The following DPP10 variants were observed in gnomAD, a reference collection of about 807,000 sequenced individuals.
DPP10 encodes dipeptidyl peptidase like 10, also known as inactive dipeptidyl peptidase 10.
DPP10 carries 33 observed loss-of-function variants against 120.9 expected under a neutral mutation model. The ratio of observed to expected loss-of-function variants is 0.27; its 90% CI spans 0.21 to 0.37. The LOEUF (loss-of-function observed/expected upper bound fraction) is 0.37. Among genes scored for constraint, DPP10 ranks in the 10% least tolerant of loss-of-function variants. DPP10 has a pLI of 1.00. For missense variants in DPP10, 816 were observed against 942.8 expected (o/e 0.87, Z 1.76); for synonymous variants, 337 against 326.1 (o/e 1.03, Z -0.36).
intron 5 of DPP10, among the ~76,000 whole-genome samples, chr2:115,535,526 T>C (rs1381877046): frequency 2.0e-5 from 3 of 151,306 alleles, no homozygotes; most frequent in Non-Finnish European, 4.4e-5. Context: ...CCTTGTAGTA[T>C]AGTTTGAAGT....
chr2:115,805,285 A>C (rs1685794890), intron 19 of DPP10, among the ~76,000 whole-genome samples: 1 of 151,996 alleles, frequency 6.6e-6, no homozygotes, highest in South Asian at 2.1e-4. Flanking sequence ...TGGAAAAGCA[A>C]AGTATTAGGG....
chr2:114,470,555 T>C (rs181274963), intron 1 of DPP10, among the ~76,000 whole-genome samples: 1 of 152,342 alleles, frequency 6.6e-6, no homozygotes. Context: ...GGATTGGAGA[T>C]GAGAAGGGGT....
At position 115,335,661 on chromosome 2, in the gene DPP10, T is replaced by A. The variant is rs987122685; in HGVS notation, c.176-8156T>A. On this transcript the variant is annotated intron_variant, in intron 2 of 25. Transcript: ENST00000410059. ...GCAGATATTTTGAAAAATCTAGAAT[T>A]TAATCTTGACTATTGTGATTTGCAT... is the stretch of plus-strand genomic sequence containing the variant. Among the ~76,000 whole-genome samples the A allele has an allele frequency of 2.0e-5, 3 of 152,082 alleles. No homozygotes were observed. In the South Asian group the frequency reaches 6.2e-4, roughly 31 times the overall value.
At chr2:115,241,952 C>T (rs1003336675) in intron 1 of DPP10, among the ~76,000 whole-genome samples, 1 of 152,050 alleles carries the variant, frequency 6.6e-6, no homozygotes, top group Non-Finnish European at 1.5e-5. Flanking sequence ...ACTAGAACGA[C>T]TTGGAAGTGG....
intron 5 of DPP10, among the ~76,000 whole-genome samples, chr2:115,661,555 AG>A (rs1448480495): frequency 1.3e-5 from 2 of 152,202 alleles, no homozygotes; most frequent in Non-Finnish European, 2.9e-5. Flanking sequence ...GTCCTGAAGC[AG>A]GTAGACATTT....
intron 4 of DPP10, among the ~76,000 whole-genome samples, chr2:115,504,365 T>A (rs2076839211): frequency 6.6e-6 from 1 of 150,644 alleles, no homozygotes; most frequent in African/African-American, 2.4e-5. Context: ...CCAGTCAGCA[T>A]AATTGCTTTC....
At chr2:115,495,365 G>GAAA (rs3039998) in intron 3 of DPP10, among the ~76,000 whole-genome samples, 34,266 of 82,042 alleles carry the variant, frequency 0.42, 8,530 homozygotes, top group South Asian at 0.52. Flanking sequence ...GCCATTTTCT[G>GAAA]AAAAAAAAAA....
At chr2:115,453,106 T>C (rs2073244612) in intron 3 of DPP10, among the ~76,000 whole-genome samples, 1 of 151,704 alleles carries the variant, frequency 6.6e-6, no homozygotes, top group Non-Finnish European at 1.5e-5. Flanking sequence ...ATTTTAAATG[T>C]ACCTGTCTTA....
rs58948613 is a variant in DPP10, at chr2:115,445,550, G to A, written c.272-53960G>A. Among the ~76,000 whole-genome samples the A allele has an allele frequency of 3.6e-3, 547 of 152,290 alleles. 3 individuals carry two copies. The highest frequency in any genetic ancestry group is 0.013 in the African/African-American group (536 of 41,572). Reference sequence around the variant, plus strand: ...CTGGGGCAGAGGTCACTCTTGCTATGCTTTAGCAAAGATACTGGTGGAGTT... The same window carrying A: ...CTGGGGCAGAGGTCACTCTTGCTATACTTTAGCAAAGATACTGGTGGAGTT... On this transcript the variant is annotated intron_variant, in intron 3 of 25. Transcript: ENST00000410059.
chr2:115,754,051 T>C (rs1679088965), intron 11 of DPP10, among the ~76,000 whole-genome samples: 1 of 152,120 alleles, frequency 6.6e-6, no homozygotes, highest in African/African-American at 2.4e-5. Flanking sequence ...ATATGGGACA[T>C]TAGGAGGATC....
intron 1 of DPP10, among the ~76,000 whole-genome samples, chr2:114,994,973 T>C (rs1279508941): frequency 6.6e-6 from 1 of 152,252 alleles, no homozygotes; most frequent in Non-Finnish European, 1.5e-5. Flanking sequence ...CCCTGTATTC[T>C]ACAATGTTCC....
At chr2:115,121,119 C>G (rs770060757) in intron 1 of DPP10, among the ~76,000 whole-genome samples, 2 of 152,174 alleles carry the variant, frequency 1.3e-5, no homozygotes, top group Non-Finnish European at 2.9e-5. Flanking sequence ...ATTTAGGTAA[C>G]TTTCCCAGGA....
intron 1 of DPP10, chr2:115,162,082 C>CGGAG: frequency 6.7e-7 from 1 of 1,487,052 alleles, no homozygotes; most frequent in Non-Finnish European, 8.9e-7. Flanking sequence ...CTCCAGTGCG[C>CGGAG]GCTCCGCCCG....
chr2:114,574,047 T>C (rs1689859122), intron 1 of DPP10, among the ~76,000 whole-genome samples: 1 of 152,160 alleles, frequency 6.6e-6, no homozygotes, highest in Admixed American at 6.5e-5. Flanking sequence ...AAGTATGGCA[T>C]TTTATTCCAA....
intron 1 of DPP10, among the ~76,000 whole-genome samples, chr2:114,595,276 CA>C (rs950306114): frequency 6.6e-6 from 1 of 151,598 alleles, no homozygotes; most frequent in Non-Finnish European, 1.5e-5. Context: ...AAAACAACAA[CA>C]AAAAAAAGAT....
chr2:115,125,715 G>A (rs2050044327), intron 1 of DPP10, among the ~76,000 whole-genome samples: 1 of 151,772 alleles, frequency 6.6e-6, no homozygotes, highest in African/African-American at 2.4e-5. Flanking sequence ...GGGACTACAG[G>A]TGCCCTCCAC....
chr2:115,564,629 T>A (rs1174111618), intron 5 of DPP10, among the ~76,000 whole-genome samples: 1 of 152,232 alleles, frequency 6.6e-6, no homozygotes, highest in Non-Finnish European at 1.5e-5. Flanking sequence ...AAATGAATTT[T>A]TAGTCATAAC....
chr2:115,421,096 T>G (rs2104679690), intron 3 of DPP10, among the ~76,000 whole-genome samples: 1 of 152,242 alleles, frequency 6.6e-6, no homozygotes, highest in East Asian at 1.9e-4. Flanking sequence ...TTTTTTTTTT[T>G]TTACTTCTCT....
intron 1 of DPP10, among the ~76,000 whole-genome samples, chr2:114,718,400 G>GA (rs71297184): frequency 0.32 from 25,625 of 80,916 alleles, 4,089 homozygotes; most frequent in East Asian, 0.47. Context: ...GACTCTGTTT[G>GA]AAAAAAAAAA....
Sources: gnomAD v4.1 joint callset for allele counts (sites outside exome capture counted in the v4.1 genomes callset) on GRCh38, gnomAD v4.1.1 for gene constraint, MANE v1.5 for transcripts, NCBI Gene and HGNC (gene_info 2026-07-23, HGNC 2026-07-21) for gene names.